The following EVI5 variants were observed in gnomAD, a reference collection of about 807,000 sequenced individuals.
The protein encoded by EVI5 is ecotropic viral integration site 5 protein homolog.
A neutral mutation model predicts 112.0 loss-of-function variants in EVI5; 73 were observed. The ratio of observed to expected loss-of-function variants is 0.65; its 90% CI spans 0.54 to 0.79. EVI5 has a LOEUF of 0.79. Ranked by LOEUF, EVI5 falls within the 30% of genes least tolerant of loss-of-function variation. The probability of loss-of-function intolerance (pLI) is 0.00; values close to 1 mark genes in which losing one functional copy is unlikely to be tolerated. For synonymous variants in EVI5, 305 were observed against 319.9 expected (o/e 0.95, Z 0.50); for missense variants, 900 against 968.8 (o/e 0.93, Z 0.94).
intron 9 of EVI5, among the ~76,000 whole-genome samples, chr1:92,682,298 TAA>T (rs1441027048): frequency 6.6e-6 from 1 of 152,176 alleles, no homozygotes; most frequent in Non-Finnish European, 1.5e-5. Flanking sequence ...GTGCCCTGTC[TAA>T]AAGAGTGCTC....
chr1:92,703,897 G>A, intron 3 of EVI5: 1 of 162,958 alleles, frequency 6.1e-6, no homozygotes, highest in Non-Finnish European at 1.1e-5. Context: ...TGTGAATGAT[G>A]GTACAGTACC....
intron 2 of EVI5, among the ~76,000 whole-genome samples, chr1:92,724,550 G>C (rs942435571): frequency 3.9e-5 from 6 of 152,076 alleles, no homozygotes; most frequent in African/African-American, 1.4e-4. Flanking sequence ...ATTCATGCCT[G>C]TAATTCCAAC....
At chr1:92,782,249 T>C (rs1316010059) in intron 1 of EVI5, among the ~76,000 whole-genome samples, 1 of 150,964 alleles carries the variant, frequency 6.6e-6, no homozygotes, top group Non-Finnish European at 1.5e-5. Flanking sequence ...AGAGTGAGAC[T>C]CCATCTTACA....
intron 2 of EVI5, chr1:92,732,610 T>C (rs35526187): frequency 0.2 from 33,262 of 166,284 alleles, 3,903 homozygotes; most frequent in Non-Finnish European, 0.25. Flanking sequence ...TCTTAAAGCT[T>C]TGACAATAGG....
intron 2 of EVI5, among the ~76,000 whole-genome samples, chr1:92,710,273 G>A (rs973161601): frequency 9.2e-5 from 14 of 151,960 alleles, no homozygotes; most frequent in African/African-American, 3.4e-4. Context: ...AGCCCCGGAA[G>A]TTGAGACTGC....
intron 13 of EVI5, among the ~76,000 whole-genome samples, 158 bp downstream of exon 13, chr1:92,662,561 C>G (rs2102176423): frequency 6.6e-6 from 1 of 151,830 alleles, no homozygotes; most frequent in African/African-American, 2.4e-5. Flanking sequence ...ACAATAAGAC[C>G]CCTAAATATC....
upstream of EVI5, among the ~76,000 whole-genome samples, chr1:92,787,618 G>A (rs767346368): frequency 6.6e-6 from 1 of 152,080 alleles, no homozygotes; most frequent in South Asian, 2.1e-4. Context: ...GTAGGCACCT[G>A]TAGTCCTGCT....
chr1:92,760,482 A>G (rs988128558), intron 1 of EVI5, among the ~76,000 whole-genome samples: 1 of 152,226 alleles, frequency 6.6e-6, no homozygotes, highest in Non-Finnish European at 1.5e-5. Flanking sequence ...TTGTAATCCC[A>G]GCACACTGGG....
At chr1:92,573,354 T>C (rs1571625766) in intron 18 of EVI5, among the ~76,000 whole-genome samples, 1 of 152,130 alleles carries the variant, frequency 6.6e-6, no homozygotes, top group African/African-American at 2.4e-5. Flanking sequence ...GAAAATTAAC[T>C]ATTTTTTAAA....
chr1:92,750,696 C>T (rs927610206), intron 1 of EVI5, among the ~76,000 whole-genome samples: 6 of 152,048 alleles, frequency 3.9e-5, no homozygotes, highest in Admixed American at 6.6e-5. Flanking sequence ...ATTTTTACCA[C>T]TTACATGAGG....
At chr1:92,761,078 A>C (rs1169608487) in intron 1 of EVI5, among the ~76,000 whole-genome samples, 1 of 143,288 alleles carries the variant, frequency 7.0e-6, no homozygotes, top group Non-Finnish European at 1.5e-5. Context: ...AAAAAAAAAG[A>C]ATTAATGAAT....
At chr1:92,787,655 G>T (rs10465757), upstream of EVI5, among the ~76,000 whole-genome samples, 11,614 of 151,922 alleles carry the variant, frequency 0.076, 1,238 homozygotes, top group African/African-American at 0.24. Context: ...CAGGAGGATT[G>T]CTTGAGCCTG....
intron 2 of EVI5, among the ~76,000 whole-genome samples, chr1:92,709,741 A>T (rs1364612703): frequency 6.6e-6 from 1 of 152,176 alleles, no homozygotes; most frequent in Non-Finnish European, 1.5e-5. Context: ...CATGTAGAAA[A>T]ATAATTTACG....
intron 19 of EVI5, among the ~76,000 whole-genome samples, chr1:92,540,704 T>C (rs1279245887): frequency 6.6e-6 from 1 of 152,186 alleles, no homozygotes; most frequent in East Asian, 1.9e-4. Flanking sequence ...TCTATTTTCT[T>C]CTCTGCTGCT....
intron 2 of EVI5, among the ~76,000 whole-genome samples, chr1:92,720,708 C>A (rs1674595803): frequency 6.6e-6 from 1 of 151,968 alleles, no homozygotes; most frequent in South Asian, 2.1e-4. Flanking sequence ...TTCTGCACAG[C>A]AAAAGAAACT....
intron 13 of EVI5, among the ~76,000 whole-genome samples, chr1:92,660,663 C>T (rs530397574): frequency 6.6e-6 from 1 of 152,008 alleles, no homozygotes; most frequent in Admixed American, 6.6e-5. Flanking sequence ...AAAAATAAAA[C>T]TTTCAAAAAT....
chr1:92,650,756 C>T (rs984137474), intron 13 of EVI5, among the ~76,000 whole-genome samples: 3 of 151,864 alleles, frequency 2.0e-5, no homozygotes, highest in Non-Finnish European at 4.4e-5. Context: ...TTATTTGCTA[C>T]CTAATTATAT....
At chr1:92,602,937 A>T (rs1649503445) in intron 18 of EVI5, among the ~76,000 whole-genome samples, 1 of 152,212 alleles carries the variant, frequency 6.6e-6, no homozygotes, top group African/African-American at 2.4e-5. Flanking sequence ...AAATATTTGC[A>T]AACCATATAT....
chr1:92,785,474 C>G (rs1685534044), upstream of EVI5, among the ~76,000 whole-genome samples: 1 of 152,246 alleles, frequency 6.6e-6, no homozygotes, highest in South Asian at 2.1e-4. Flanking sequence ...GCGCATGCTT[C>G]GGAAGGCAGC....
Sources: allele counts gnomAD v4.1 joint callset (sites outside exome capture counted in the v4.1 genomes callset), GRCh38; gene constraint gnomAD v4.1.1; transcripts MANE v1.5; gene names NCBI Gene and HGNC (gene_info 2026-07-23, HGNC 2026-07-21).